Variants in SHANK1 observed in about 807,000 individuals in gnomAD.
The protein encoded by SHANK1 is SH3 and multiple ankyrin repeat domains protein 1.
In SHANK1, 35 loss-of-function variants were observed where a neutral mutation model predicts 165.6. The ratio of observed to expected loss-of-function variants is 0.21; its 90% CI spans 0.16 to 0.28. The LOEUF (loss-of-function observed/expected upper bound fraction) is 0.28, where lower values mean the gene tolerates loss of function less well. Ranked by LOEUF, SHANK1 falls within the 10% of genes least tolerant of loss-of-function variation. SHANK1 has a pLI of 1.00. For missense variants in SHANK1, 2,681 were observed against 3,036.4 expected, an observed-to-expected ratio of 0.88 and a Z score of 2.75; for synonymous variants, 1,428 against 1,384.8, an observed-to-expected ratio of 1.03 and a Z score of -0.69.
At chr19:50,706,795 G>C (rs1301245550) in intron 8 of SHANK1, among the ~76,000 whole-genome samples, 1 of 150,398 alleles carries the variant, frequency 6.6e-6, no homozygotes, top group Non-Finnish European at 1.5e-5. Flanking sequence ...AAATTTTTTT[G>C]AGATGGAGTT....
At position 50,666,305 on chromosome 19, in the gene SHANK1, C is replaced by T. The variant is rs779510181; in HGVS notation, c.5655G>A (p.Ser1885=). Residue 1885 remains serine (S), a synonymous_variant, in exon 23 of 24, where the codon TCG becomes TCA. Coordinates refer to ENST00000293441, the MANE Select transcript of SHANK1 (RefSeq NM_016148.5). ...SSKLQQFGGS[S]AAGGALPWAR... Reference sequence around the variant, plus strand: ...CCCAGGGCAGAGCGCCGCCAGCTGCCGAGGAGCCCCCAAACTGCTGAAGCT... The same window carrying T: ...CCCAGGGCAGAGCGCCGCCAGCTGCTGAGGAGCCCCCAAACTGCTGAAGCT... 3.1e-6 allele frequency: 5 copies of T among 1,613,050 alleles called. No individual in the cohort carries two copies. Among genetic ancestry groups the T allele is most frequent in the South Asian group, 1.1e-5 (1 of 90,946 alleles).
chr19:50,704,275 C>T, intron 9 of SHANK1, 89 bp from the exon 10 acceptor site: 2 of 1,422,772 alleles, frequency 1.4e-6, no homozygotes, highest in South Asian at 1.1e-5. Context: ...TGGCCCGACC[C>T]AAACCTTCCA....
chr19:50,697,994 T>C lies in SHANK1; in HGVS notation c.1748-38A>G. On this transcript the variant is annotated intron_variant, in intron 12 of 23. Transcript: ENST00000293441. The surrounding 1 kb of genome is among the most constrained non-coding windows in gnomAD (Gnocchi z 4.7). The stretch of plus-strand genomic sequence containing the variant: ...CGGGGACATAGAGACATTTCTGTGT[T>C]TCTGTGCTGCCCCTCAACTGCCAAC... 1 of 1,438,678 alleles carries C rather than the reference T, an allele frequency of 7.0e-7. No homozygotes were observed. Among genetic ancestry groups the C allele is most frequent in the Non-Finnish European group, 9.7e-7 (1 of 1,030,326 alleles). 89.1% of individuals were successfully genotyped at this position (1,438,678 alleles called of 1,614,324 possible).
rs971645021 is a variant in SHANK1 at position 50,696,151 on chromosome 19, G to C, written c.1964+945C>G. 3.9e-5 allele frequency among the ~76,000 whole-genome samples: 6 copies of C among 152,164 alleles called. No homozygotes were observed. The South Asian group carries it at 1.2e-3, about 31-fold the overall frequency. ...GTAGAAGGAGGAAGCTGAGGGTGAC[G>C]GGGACCACCCGCATTCAGCTGGTAG... is the stretch of plus-strand genomic sequence containing the variant. On this transcript the variant is annotated intron_variant, in intron 15 of 23. Coordinates refer to ENST00000293441, the MANE Select transcript of SHANK1 (RefSeq NM_016148.5).
intron 8 of SHANK1, among the ~76,000 whole-genome samples, chr19:50,710,230 C>T (rs573762218): frequency 3.9e-5 from 6 of 152,204 alleles, no homozygotes; most frequent in East Asian, 3.9e-4. Context: ...CATGTTGGTT[C>T]GGTTTGACAA....
At chr19:50,701,171 G>A (rs905231199) in intron 12 of SHANK1, among the ~76,000 whole-genome samples, 5 of 150,992 alleles carry the variant, frequency 3.3e-5, no homozygotes, top group Non-Finnish European at 5.9e-5. Flanking sequence ...CCTGAAGTAG[G>A]GGCCACTTAG....
chr19:50,715,112 G>A (rs548047435), intron 4 of SHANK1, among the ~76,000 whole-genome samples: 18 of 152,162 alleles, frequency 1.2e-4, no homozygotes, highest in African/African-American at 2.2e-4. Flanking sequence ...AGCAGTTCCC[G>A]ATTTCCTCCC....
Position 50,716,862 on chromosome 19 carries a change from G to A in SHANK1, c.58C>T (p.Pro20Ser). Reference sequence around the variant, plus strand: ...CTGTCGGACTCTGAGCCCCCCTCGGGACACTCGCTGGCACTGTGGCGTTCC... The same window carrying A: ...CTGTCGGACTCTGAGCCCCCCTCGGAACACTCGCTGGCACTGTGGCGTTCC... ...DEERHSASEC[P>S]EGGSESDSSP... is the part of the protein sequence containing the mutation. The change falls in exon 2 of 24, where the codon CCC becomes TCC. Residue 20 changes from proline to serine, a missense_variant. Pro to Ser is a moderately conservative substitution (Grantham distance 74). Around this residue, in one of 10 missense-constraint regions of SHANK1, gnomAD observed 118 missense variants for 106.9 expected, o/e 1.10. Transcript: ENST00000293441. The surrounding 1 kb of genome is among the most constrained non-coding windows in gnomAD (Gnocchi z 8.4). 1.3e-6 allele frequency: 2 copies of A among 1,519,394 alleles called. No individual in the cohort carries two copies. Among genetic ancestry groups the A allele is most frequent in the Non-Finnish European group, 1.8e-6 (2 of 1,135,334 alleles). The allele number at this position is 1,519,394 out of a possible 1,614,324, so 94.1% of individuals were successfully genotyped here.
Position 50,667,330 on chromosome 19 carries a change from G to T in SHANK1, c.4630C>A (p.Leu1544Met). ...PRASEENGLP[L>M]LVLPPPAPSV... ...GGGGCGGGAGGCGGCAGGACCAGCA[G>T]GGGCAGCCCGTTCTCTTCGCTGGCC... The change falls in exon 23 of 24, where the codon CTG (leucine) becomes ATG (methionine). Residue 1544 changes from leucine to methionine, a missense_variant. Physicochemically the swap from Leu to Met is conservative, Grantham distance 15 (BLOSUM62 2). Around this residue, in one of 10 missense-constraint regions of SHANK1, gnomAD observed 1,713 missense variants for 1,630.2 expected, o/e 1.05. Transcript: ENST00000293441. The surrounding 1 kb of genome is among the most constrained non-coding windows in gnomAD (Gnocchi z 5.7). 1 of 1,577,136 alleles carries T rather than the reference G, an allele frequency of 6.3e-7. No individual in the cohort carries two copies.
chr19:50,696,023 A>T (rs1047637922), intron 15 of SHANK1, among the ~76,000 whole-genome samples: 7 of 152,018 alleles, frequency 4.6e-5, no homozygotes, highest in Non-Finnish European at 8.8e-5. Context: ...AAGAGCGGGG[A>T]GGCAGGAGGA....
intron 8 of SHANK1, among the ~76,000 whole-genome samples, chr19:50,706,178 G>T (rs574964845): frequency 6.6e-6 from 1 of 151,032 alleles, no homozygotes; most frequent in Non-Finnish European, 1.5e-5. Flanking sequence ...GGGGGGTTGG[G>T]GGGGCTCAAG....
intron 15 of SHANK1, among the ~76,000 whole-genome samples, chr19:50,695,154 C>T (rs1986693361): frequency 6.8e-6 from 1 of 146,400 alleles, no homozygotes; most frequent in Non-Finnish European, 1.5e-5. Flanking sequence ...GGCCCCCAGG[C>T]CCCGCCTCAT....
chr19:50,711,838 C>A (rs1286042745), intron 7 of SHANK1, 109 bp downstream of exon 7: 2 of 1,238,520 alleles, frequency 1.6e-6, no homozygotes, highest in East Asian at 4.6e-5. Flanking sequence ...GTTATTCTCA[C>A]CCCCATGCTC....
intron 21 of SHANK1, among the ~76,000 whole-genome samples, chr19:50,680,483 G>A (rs528600518): frequency 2.0e-5 from 3 of 152,238 alleles, no homozygotes; most frequent in African/African-American, 7.2e-5. Context: ...CATACCGAGG[G>A]GCGGATGGAC....
chr19:50,667,922 G>A lies in SHANK1; in HGVS notation c.4038C>T (p.Ala1346=). Residue 1346 remains alanine (A), a synonymous_variant, in exon 23 of 24, where the codon GCC becomes GCT. Coordinates refer to ENST00000293441, the MANE Select transcript of SHANK1 (RefSeq NM_016148.5). The surrounding 1 kb of genome is among the most constrained non-coding windows in gnomAD (Gnocchi z 5.7). ...GCCCCAGCGGGGAGGCGGGATCCAGGGCCTTGCCGGTCAGCGGGTGCACCA... is the reference window on the plus strand; with the variant it reads ...GCCCCAGCGGGGAGGCGGGATCCAGAGCCTTGCCGGTCAGCGGGTGCACCA... ...RPLVHPLTGK[A]LDPASPLGLA... 6 of 1,365,540 alleles carry A rather than the reference G, an allele frequency of 4.4e-6. No individual in the cohort carries two copies. The highest frequency in any genetic ancestry group is 5.6e-6 in the Non-Finnish European group (6 of 1,065,066). The allele number at this position is 1,365,540 out of a possible 1,614,324, so 84.6% of individuals were successfully genotyped here. A position where few individuals can be genotyped will look rare whatever the true frequency, so the allele number is the denominator to read the frequency against.
intron 8 of SHANK1, among the ~76,000 whole-genome samples, chr19:50,705,975 G>A (rs1009709349): frequency 6.6e-6 from 1 of 152,116 alleles, no homozygotes; most frequent in Admixed American, 6.5e-5. Context: ...TGGGCAACAT[G>A]GCGAAACCCC....
At position 50,713,741 on chromosome 19, in the gene SHANK1, C is replaced by G. The variant is rs1306309133; in HGVS notation, c.792+57G>C. 1 of 1,599,450 alleles carries G rather than the reference C, an allele frequency of 6.3e-7. No individual in the cohort carries two copies. Among genetic ancestry groups the G allele is most frequent in the Non-Finnish European group, 8.5e-7 (1 of 1,172,158 alleles). On this transcript the variant is annotated intron_variant, in intron 6 of 23. Transcript: ENST00000293441. This position sits in a 1 kb window ranked among gnomAD's most constrained non-coding sequence, Gnocchi z 6.2. ...CAAAGAACTGAGGTTTGAGAAAGAA[C>G]AAAGGGAAAAGGAGAGAGGGCCCCA...
In SHANK1 at chr19:50,697,332, C is replaced by G. The variant is rs72626242; in HGVS notation, c.1938-210G>C. ...CAGACATAAGAGCGCCCCGGCCCCC[C>G]CAGGCATCCCCACCCTGCCCTGACC... On this transcript the variant is annotated intron_variant, in intron 14 of 23. Coordinates refer to ENST00000293441, the MANE Select transcript of SHANK1 (RefSeq NM_016148.5). This position sits in a 1 kb window ranked among gnomAD's most constrained non-coding sequence, Gnocchi z 4.7. 6.6e-6 allele frequency among the ~76,000 whole-genome samples: 1 copy of G among 152,178 alleles called. No individual in the cohort carries two copies. Among genetic ancestry groups the G allele is most frequent in the East Asian group, 1.9e-4 (1 of 5,196 alleles).
At chr19:50,696,078 A>G (rs900561900) in intron 15 of SHANK1, among the ~76,000 whole-genome samples, 1 of 152,194 alleles carries the variant, frequency 6.6e-6, no homozygotes, top group Non-Finnish European at 1.5e-5. Context: ...CGTGGGAGCC[A>G]GCGAGAGGCA....
Sources: gnomAD v4.1 joint callset for allele counts (sites outside exome capture counted in the v4.1 genomes callset) on GRCh38, gnomAD v4.1.1 for gene constraint, gnomAD v4.1.1 regional missense constraint, Gnocchi (gnomAD v3.1) non-coding constraint, MANE v1.5 for transcripts, NCBI Gene and HGNC (gene_info 2026-07-23, HGNC 2026-07-21) for gene names.